Variants in DNAH11 observed in about 807,000 individuals in gnomAD.
DNAH11 encodes dynein axonemal heavy chain 11.
A neutral mutation model predicts 526.0 loss-of-function variants in DNAH11; 442 were observed. The observed-to-expected ratio is 0.84, with a 90% CI of 0.78 to 0.91. DNAH11 has a LOEUF of 0.91. DNAH11 is among the 40% of genes least tolerant of loss of function. The pLI is 0.00. For synonymous variants in DNAH11, 2,461 were observed against 1,935.9 expected, an observed-to-expected ratio of 1.27 and a Z score of -7.12; for missense variants, 6,989 against 5,448.7, an observed-to-expected ratio of 1.28 and a Z score of -8.90.
chr7:21,735,592 A>T lies in DNAH11; in HGVS notation c.7441-48A>T, dbSNP rs2270022. 63 of 1,517,672 alleles carry T rather than the reference A, an allele frequency of 4.2e-5. No homozygotes were observed. The East Asian group carries it at 6.4e-4, about 15-fold the overall frequency. 94.0% of individuals were successfully genotyped at this position (1,517,672 alleles called of 1,614,324 possible). On this transcript the variant is annotated intron_variant, in intron 45 of 81. Coordinates refer to ENST00000409508, the MANE Select transcript of DNAH11 (RefSeq NM_001277115.2). ...TTTGGAATGCCTCTCTCTCGCACGCACTCTCTCTCTCTTTCTGATCTTTGT... is the reference window on the plus strand; with the variant it reads ...TTTGGAATGCCTCTCTCTCGCACGCTCTCTCTCTCTCTTTCTGATCTTTGT...
chr7:21,726,227 T>A (rs1364139130), intron 45 of DNAH11, among the ~76,000 whole-genome samples: 1 of 152,086 alleles, frequency 6.6e-6, no homozygotes, highest in Non-Finnish European at 1.5e-5. Context: ...GGGGAGGTGC[T>A]GCACACTTTT....
intron 65 of DNAH11, among the ~76,000 whole-genome samples, chr7:21,837,631 T>C (rs1176799087): frequency 6.6e-6 from 1 of 152,186 alleles, no homozygotes; most frequent in Non-Finnish European, 1.5e-5. Flanking sequence ...CCGTTGATCA[T>C]TTTAATAGAT....
At chr7:21,669,605 T>G (rs1387777831) in intron 30 of DNAH11, among the ~76,000 whole-genome samples, 1 of 151,206 alleles carries the variant, frequency 6.6e-6, no homozygotes, top group Non-Finnish European at 1.5e-5. Flanking sequence ...GTGTATCACA[T>G]TTTTTTTTCA....
Position 21,710,561 on chromosome 7 carries a change from A to G in DNAH11, c.6692A>G (p.Tyr2231Cys). ...ACTACATTATATATTAGGATTGTTT[A>G]CTCTTATTTTATAGGTCTCTTCTCA... The part of the protein sequence containing the change: ...TREWKDGKIV[Y>C]SYFIGLFSSI... The change falls in exon 41 of 82, where the codon TAC becomes TGC. Residue 2231 changes from tyrosine to cysteine, a missense_variant. Transcript: ENST00000409508. 1 of 1,607,614 alleles carries G rather than the reference A, an allele frequency of 6.2e-7. No homozygotes were observed. The highest frequency in any genetic ancestry group is 1.1e-5 in the South Asian group (1 of 90,272).
chr7:21,622,104 A>G (rs1219924509), intron 25 of DNAH11, among the ~76,000 whole-genome samples: 1 of 152,160 alleles, frequency 6.6e-6, no homozygotes, highest in Non-Finnish European at 1.5e-5. Context: ...TTAAGCTGAT[A>G]AGCAACTTCA....
intron 63 of DNAH11, among the ~76,000 whole-genome samples, chr7:21,811,879 T>C (rs1024728578): frequency 6.6e-6 from 1 of 152,154 alleles, no homozygotes; most frequent in Non-Finnish European, 1.5e-5. Flanking sequence ...GTTTCAATGA[T>C]GAAATAATTT....
chr7:21,565,445 A>T (rs575911750), intron 6 of DNAH11, among the ~76,000 whole-genome samples: 1 of 152,346 alleles, frequency 6.6e-6, no homozygotes, highest in Non-Finnish European at 1.5e-5. Context: ...AAGACTTGAA[A>T]AATGATGTTA....
chr7:21,583,849 A>G (rs1347522023), intron 9 of DNAH11, among the ~76,000 whole-genome samples: 1 of 152,256 alleles, frequency 6.6e-6, no homozygotes, highest in Non-Finnish European at 1.5e-5. Flanking sequence ...ACTGGTCATT[A>G]GAGAAATGCA....
chr7:21,599,947 T>G lies in DNAH11; in HGVS notation c.2828T>G (p.Phe943Cys), dbSNP rs1033361186. 3 of 1,613,636 alleles carry G rather than the reference T, an allele frequency of 1.9e-6. No homozygotes were observed. The highest frequency in any genetic ancestry group is 1.7e-6 in the Non-Finnish European group (2 of 1,179,836). The stretch of plus-strand genomic sequence containing the variant: ...GAGAAACAATTGAAACCGGCACCGT[T>G]TTTTCAAGCACAAATGATCTTGTTG... ...NTEKQLKPAP[F>C]FQAQMILLPP... The change falls in exon 15 of 82, where the codon TTT becomes TGT. Residue 943 changes from phenylalanine (F) to cysteine (C), a missense_variant. By Grantham distance (205) the Phe-to-Cys change is radical. Transcript: ENST00000409508.
intron 51 of DNAH11, among the ~76,000 whole-genome samples, chr7:21,746,204 C>T (rs1332718646): frequency 2.6e-5 from 4 of 152,214 alleles, no homozygotes; most frequent in African/African-American, 9.6e-5. Context: ...TCCGATACTG[C>T]TCTCCTAGTC....
intron 30 of DNAH11, among the ~76,000 whole-genome samples, chr7:21,679,504 A>G (rs913215458): frequency 2.0e-5 from 3 of 152,196 alleles, no homozygotes; most frequent in Non-Finnish European, 4.4e-5. Flanking sequence ...AACGTATACA[A>G]TTTTTGTTTT....
intron 65 of DNAH11, among the ~76,000 whole-genome samples, chr7:21,839,389 A>G (rs142363314): frequency 0.017 from 2,644 of 152,200 alleles, 44 homozygotes; most frequent in Middle Eastern, 0.061. Flanking sequence ...CCTGGACAAC[A>G]TGGTGAAACC....
intron 44 of DNAH11, among the ~76,000 whole-genome samples, chr7:21,723,362 G>C (rs1189509295): frequency 6.6e-6 from 1 of 152,192 alleles, no homozygotes; most frequent in African/African-American, 2.4e-5. Context: ...GTCTAAGCCA[G>C]GTTCAAACAG....
At chr7:21,809,399 A>G (rs1241831308) in intron 63 of DNAH11, among the ~76,000 whole-genome samples, 3 of 152,028 alleles carry the variant, frequency 2.0e-5, no homozygotes, top group Non-Finnish European at 4.4e-5. Context: ...ATACGATCCC[A>G]CTTTTGCATT....
chr7:21,763,180 A>G (rs1297270036), intron 54 of DNAH11, among the ~76,000 whole-genome samples: 1 of 151,854 alleles, frequency 6.6e-6, no homozygotes, highest in African/African-American at 2.4e-5. Context: ...TGTCTCTACT[A>G]AAAATACAAA....
chr7:21,650,181 C>T (rs1298486926), intron 28 of DNAH11, among the ~76,000 whole-genome samples: 1 of 151,854 alleles, frequency 6.6e-6, no homozygotes, highest in African/African-American at 2.4e-5. Flanking sequence ...AAAGAAACAC[C>T]AAATCAACCT....
chr7:21,787,141 G>A (rs1269604837), intron 59 of DNAH11, among the ~76,000 whole-genome samples: 2 of 152,142 alleles, frequency 1.3e-5, no homozygotes, highest in Non-Finnish European at 2.9e-5. Context: ...TTTATTTTCT[G>A]CCTTTCTTTT....
At position 21,816,688 on chromosome 7, in the gene DNAH11, T is replaced by G; in HGVS notation, c.10554T>G (p.His3518Gln). 1 of 1,613,402 alleles carries G rather than the reference T, an allele frequency of 6.2e-7. No homozygotes were observed. The highest frequency in any genetic ancestry group is 8.5e-7 in the Non-Finnish European group (1 of 1,179,658). ...ATGGAATGGACCTGAAAGTCACACA[T>G]TTGGGCCAGAAAGGGTATGTGAAGT... The part of the protein sequence containing the change: ...NKYGMDLKVT[H>Q]LGQKGFLNAI... Residue 3518 changes from histidine (H) to glutamine (Q), a missense_variant, in exon 64 of 82, where the codon CAT (histidine) becomes CAG (glutamine). His to Gln is a conservative substitution (Grantham distance 24, BLOSUM62 0). Transcript: ENST00000409508.
rs886042735 is a variant in DNAH11, at chr7:21,807,935, ACT to A, written c.10221_10222del (p.Cys3408TrpfsTer54). On this transcript the variant is annotated frameshift_variant, in exon 63 of 82. Transcript: ENST00000409508. LOFTEE classifies it high-confidence loss of function. ...IKSFEAQEKT[L>X]CGDVLLTAAF... Reference sequence around the variant, plus strand: ...AGTCCTTTGAAGCTCAAGAGAAGACACTCTGTGGAGATGTTCTTCTCACGGCG... The same window carrying A: ...AGTCCTTTGAAGCTCAAGAGAAGACACTGTGGAGATGTTCTTCTCACGGCG... 1.5e-5 allele frequency: 24 copies of A among 1,608,736 alleles called. No homozygotes were observed. Among genetic ancestry groups the A allele is most frequent in the Non-Finnish European group, 1.8e-5 (21 of 1,176,446 alleles).
Sources: gnomAD v4.1 joint callset for allele counts (sites outside exome capture counted in the v4.1 genomes callset) on GRCh38, gnomAD v4.1.1 for gene constraint, MANE v1.5 for transcripts, NCBI Gene and HGNC (gene_info 2026-07-23, HGNC 2026-07-21) for gene names.